SENP8: variants seen among roughly 807,000 people sequenced by gnomAD.
The protein encoded by SENP8 is sentrin-specific protease 8.
SENP8 carries 10 observed loss-of-function variants against 14.4 expected under a neutral mutation model. The ratio of observed to expected loss-of-function variants is 0.69; its 90% CI spans 0.43 to 1.18. The LOEUF is 1.18. Among genes scored for constraint, SENP8 ranks in the 50% most tolerant of loss-of-function variants. SENP8 has a pLI of 0.00. For synonymous variants in SENP8, 94 were observed against 95.5 expected (o/e 0.98, Z 0.09); for missense variants, 202 against 249.4 (o/e 0.81, Z 1.28).
upstream of SENP8, chr15:72,117,725 G>A (rs1357567623): frequency 2.5e-6 from 1 of 397,314 alleles, no homozygotes; most frequent in Non-Finnish European, 4.4e-6. Flanking sequence ...CCTCTTCGAC[G>A]GAAGCTGCCT....
chr15:72,119,690 G>T (rs2151315741), intron 1 of SENP8, among the ~76,000 whole-genome samples: 1 of 152,326 alleles, frequency 6.6e-6, no homozygotes, highest in South Asian at 2.1e-4. Flanking sequence ...GGAGCTTGCA[G>T]TGAGCCAAGA....
chr15:72,139,533 C>T, intron 1 of SENP8, 44 bp from the exon 2 acceptor site: 1 of 1,501,156 alleles, frequency 6.7e-7, no homozygotes, highest in Non-Finnish European at 9.0e-7. Context: ...TTTCCAGCCG[C>T]ATTTTACAGT....
intron 1 of SENP8, among the ~76,000 whole-genome samples, chr15:72,118,825 C>A (rs2151308217): frequency 6.6e-6 from 1 of 152,216 alleles, no homozygotes; most frequent in Admixed American, 6.5e-5. Context: ...GAGAAAAATG[C>A]ACGGGATGCT....
rs1290736585 is a variant in SENP8, at chr15:72,129,744, A to G, written c.-47-9833A>G. On this transcript the variant is annotated intron_variant, in intron 1 of 1. Coordinates refer to ENST00000340912, the MANE Select transcript of SENP8 (RefSeq NM_145204.4). ...TGTGGTCCCAGCTACTTAGGAGGCT[A>G]AGGCAGGAGGATCACTTGAGCCCAG... Among the ~76,000 whole-genome samples, 7 of 150,314 alleles carry G rather than the reference A, an allele frequency of 4.7e-5. No homozygotes were observed. In the East Asian group the frequency reaches 1.2e-3, roughly 26 times the overall value.
At chr15:72,125,794 T>C (rs962893385) in intron 1 of SENP8, among the ~76,000 whole-genome samples, 4 of 151,818 alleles carry the variant, frequency 2.6e-5, no homozygotes, top group African/African-American at 9.7e-5. Flanking sequence ...AACCATGTAA[T>C]CTTTTTTCTT....
intron 1 of SENP8, among the ~76,000 whole-genome samples, chr15:72,138,964 CAAAAA>C (rs71133960): frequency 4.7e-5 from 2 of 42,872 alleles, no homozygotes; most frequent in African/African-American, 1.7e-4. Flanking sequence ...GACTCCATCT[CAAAAA>C]AAAAAAAAAA....
chr15:72,139,888 G>A lies in SENP8; in HGVS notation c.265G>A (p.Ala89Thr). 1 of 1,614,198 alleles carries A rather than the reference G, an allele frequency of 6.2e-7. No individual in the cohort carries two copies. Among genetic ancestry groups the A allele is most frequent in the Non-Finnish European group, 8.5e-7 (1 of 1,180,032 alleles). The change falls in exon 2 of 2, where the codon GCC becomes ACC. Residue 89 changes from alanine to threonine, a missense_variant. Transcript: ENST00000340912. ...DLPNKRVVFL[A>T]INDNSNQAAG... ...CCCCAACAAGAGAGTTGTATTTTTA[G>A]CCATCAATGATAACTCCAACCAGGC...
upstream of SENP8, chr15:72,117,226 G>C (rs1307128829): frequency 6.6e-6 from 1 of 152,222 alleles, no homozygotes; most frequent in African/African-American, 2.4e-5. Flanking sequence ...AGTGCTAGTC[G>C]GCTTGGTGAT....
upstream of SENP8, chr15:72,117,209 T>C (rs2081018405): frequency 6.6e-6 from 1 of 151,962 alleles, no homozygotes; most frequent in Non-Finnish European, 1.5e-5. Context: ...CCGTGATGGC[T>C]AGGGTTAGTG....
At chr15:72,119,536 C>T (rs183666341) in intron 1 of SENP8, among the ~76,000 whole-genome samples, 4 of 152,262 alleles carry the variant, frequency 2.6e-5, no homozygotes, top group African/African-American at 7.2e-5. Context: ...ATCACGAGGT[C>T]AAGAGATCGA....
intron 1 of SENP8, 88 bp downstream of exon 1, chr15:72,118,552 C>T (rs1316791992): frequency 6.6e-6 from 1 of 152,308 alleles, no homozygotes; most frequent in Non-Finnish European, 1.5e-5. Flanking sequence ...TGCTCCCTCC[C>T]GATTCTGGAC....
chr15:72,138,207 A>T (rs1269710671), intron 1 of SENP8, among the ~76,000 whole-genome samples: 1 of 152,172 alleles, frequency 6.6e-6, no homozygotes, highest in Non-Finnish European at 1.5e-5. Flanking sequence ...TACTGTGTAC[A>T]TGGCAAGTTT....
chr15:72,134,326 T>C (rs2081306249), intron 1 of SENP8, among the ~76,000 whole-genome samples: 1 of 152,180 alleles, frequency 6.6e-6, no homozygotes, highest in Non-Finnish European at 1.5e-5. Context: ...ACACCTGTAA[T>C]CCTAGCATTT....
At chr15:72,131,683 C>A (rs2081275034) in intron 1 of SENP8, among the ~76,000 whole-genome samples, 1 of 152,118 alleles carries the variant, frequency 6.6e-6, no homozygotes, top group Non-Finnish European at 1.5e-5. Flanking sequence ...AATAAACTAA[C>A]CCCTGTAATG....
intron 1 of SENP8, among the ~76,000 whole-genome samples, chr15:72,138,723 G>A (rs2081350766): frequency 6.6e-6 from 1 of 151,318 alleles, no homozygotes; most frequent in Non-Finnish European, 1.5e-5. Context: ...AGCACTTTGG[G>A]AGGCTGAGGC....
At chr15:72,123,607 C>T (rs1464547624) in intron 1 of SENP8, among the ~76,000 whole-genome samples, 10 of 150,666 alleles carry the variant, frequency 6.6e-5, no homozygotes, top group Non-Finnish European at 1.2e-4. Flanking sequence ...GTGGCGTGCT[C>T]TTGGCTCACC....
intron 1 of SENP8, chr15:72,135,576 C>G (rs1046529960): frequency 6.6e-6 from 1 of 152,006 alleles, no homozygotes; most frequent in Non-Finnish European, 1.5e-5. Context: ...TCTTCAAATA[C>G]GAAGTTTAGA....
chr15:72,133,150 G>A (rs1319936509), intron 1 of SENP8, among the ~76,000 whole-genome samples: 4 of 152,186 alleles, frequency 2.6e-5, no homozygotes, highest in African/African-American at 4.8e-5. Flanking sequence ...CAGCCTGGGC[G>A]ACAGAGTGAG....
chr15:72,121,405 C>T (rs2081166304), intron 1 of SENP8, among the ~76,000 whole-genome samples: 1 of 152,024 alleles, frequency 6.6e-6, no homozygotes, highest in African/African-American at 2.4e-5. Flanking sequence ...AATGAAGAGA[C>T]TAGAACAATA....
Sources: gnomAD v4.1 joint callset for allele counts (sites outside exome capture counted in the v4.1 genomes callset) on GRCh38, gnomAD v4.1.1 for gene constraint, MANE v1.5 for transcripts, NCBI Gene and HGNC (gene_info 2026-07-23, HGNC 2026-07-21) for gene names.